The following ESRRB variants were observed in gnomAD, a reference collection of about 807,000 sequenced individuals.
ESRRB encodes estrogen related receptor beta.
ESRRB carries 16 observed loss-of-function variants against 46.0 expected under a neutral mutation model. The ratio of observed to expected loss-of-function variants is 0.35; its 90% CI spans 0.24 to 0.53. The LOEUF (loss-of-function observed/expected upper bound fraction) is 0.53. Ranked by LOEUF, ESRRB falls within the 20% of genes least tolerant of loss-of-function variation. The probability of loss-of-function intolerance (pLI) is 0.93; values close to 1 mark genes in which losing one functional copy is unlikely to be tolerated. For synonymous variants in ESRRB, 246 were observed against 259.6 expected, an observed-to-expected ratio of 0.95 and a Z score of 0.50; for missense variants, 488 against 607.4, an observed-to-expected ratio of 0.80 and a Z score of 2.07.
intron 1 of ESRRB, among the ~76,000 whole-genome samples, chr14:76,356,475 G>C (rs1884380417): frequency 6.6e-6 from 1 of 152,094 alleles, no homozygotes. Context: ...CAAAGCCTGT[G>C]CTCTATGTTA....
At chr14:76,361,787 T>C (rs969452081) in intron 1 of ESRRB, among the ~76,000 whole-genome samples, 1 of 152,236 alleles carries the variant, frequency 6.6e-6, no homozygotes, top group Admixed American at 6.5e-5. Flanking sequence ...TGGCTCGCCA[T>C]GATGGATCAG....
At chr14:76,338,401 G>T (rs978458144) in intron 1 of ESRRB, among the ~76,000 whole-genome samples, 1 of 152,162 alleles carries the variant, frequency 6.6e-6, no homozygotes, top group Non-Finnish European at 1.5e-5. Context: ...CTGCCAGCCA[G>T]GAGAGCCGGG....
At chr14:76,312,911 C>G (rs1346435887) in intron 1 of ESRRB, among the ~76,000 whole-genome samples, 2 of 152,064 alleles carry the variant, frequency 1.3e-5, no homozygotes, top group Non-Finnish European at 2.9e-5. Flanking sequence ...CAAATTCTAC[C>G]TCCCCTCCCC....
chr14:76,439,357 T>A lies in ESRRB; in HGVS notation c.67T>A (p.Ser23Thr), dbSNP rs377615846. ...TGTCCACAGGCTGCTGAACAGGATG[T>A]CCTCGGACGACAGGCACCTGGGCTC... ...GYHNQLLNRM[S>T]SDDRHLGSSC... Residue 23 changes from serine to threonine, a missense_variant, in exon 2 of 7, where the codon TCC becomes ACC. Coordinates refer to ENST00000644823, the MANE Select transcript of ESRRB (RefSeq NM_001379180.1). The A allele has an allele frequency of 6.2e-7, 1 of 1,613,538 alleles. No homozygotes were observed. The highest frequency in any genetic ancestry group is 1.3e-5 in the African/African-American group (1 of 74,946).
chr14:76,491,729 G>A lies in ESRRB; in HGVS notation c.1120+13G>A. Reference sequence around the variant, plus strand: ...CTCGCCAACTCCGGTAAGGGCGGCGGCGGGGCCTGGAAGGGGAGCTTCTAG... The same window carrying A: ...CTCGCCAACTCCGGTAAGGGCGGCGACGGGGCCTGGAAGGGGAGCTTCTAG... On this transcript the variant is annotated intron_variant, in intron 6 of 6. Coordinates refer to ENST00000644823, the MANE Select transcript of ESRRB (RefSeq NM_001379180.1). The A allele has an allele frequency of 6.4e-7, 1 of 1,564,676 alleles. No individual in the cohort carries two copies. Among genetic ancestry groups the A allele is most frequent in the Non-Finnish European group, 8.7e-7 (1 of 1,155,126 alleles).
chr14:76,499,974 C>T lies in ESRRB; in HGVS notation c.*1516C>T, dbSNP rs1230493544. On this transcript the variant is annotated 3_prime_UTR_variant, in exon 7 of 7. Coordinates refer to ENST00000644823, the MANE Select transcript of ESRRB (RefSeq NM_001379180.1). ...CACAAGCAGGGATCAGAGCAACTCC[C>T]CGGGGATCCCCAATCCACGCCCTTC... is the stretch of plus-strand genomic sequence containing the variant. 6.2e-7 allele frequency: 1 copy of T among 1,601,048 alleles called. No individual in the cohort carries two copies. Among genetic ancestry groups the T allele is most frequent in the Non-Finnish European group, 8.5e-7 (1 of 1,173,538 alleles).
Position 76,376,327 on chromosome 14 carries a change from G to T in ESRRB, c.-75G>T, listed in dbSNP as rs977104201. ...CCCTGCCCGGGCTCGCACCTTGCCCGTGCCCTTCACTCGCTCTTCCGCGTG... is the reference window on the plus strand; with the variant it reads ...CCCTGCCCGGGCTCGCACCTTGCCCTTGCCCTTCACTCGCTCTTCCGCGTG... On this transcript the variant is annotated 5_prime_UTR_variant, in exon 1 of 7. Coordinates refer to ENST00000644823, the MANE Select transcript of ESRRB (RefSeq NM_001379180.1). This position sits in a 1 kb window ranked among gnomAD's most constrained non-coding sequence, Gnocchi z 4.1. The T allele has an allele frequency of 7.9e-6, 9 of 1,135,972 alleles. No homozygotes were observed. The allele number at this position is 1,135,972 out of a possible 1,614,324, so 70.4% of individuals were successfully genotyped here.
chr14:76,336,000 A>G (rs1884122179), intron 1 of ESRRB, among the ~76,000 whole-genome samples: 1 of 152,230 alleles, frequency 6.6e-6, no homozygotes. Flanking sequence ...TTTATCCAAG[A>G]TTGCACAGCA....
intron 3 of ESRRB, 65 bp downstream of exon 3, chr14:76,462,726 T>C (rs1888924121): frequency 1.1e-5 from 13 of 1,195,342 alleles, no homozygotes; most frequent in Non-Finnish European, 1.6e-5. Context: ...TTTTGTCCCC[T>C]GTGAGACACC....
Position 76,491,410 on chromosome 14 carries a change from G to C in ESRRB, c.851-37G>C, listed in dbSNP as rs757737550. 67 of 1,603,618 alleles carry C rather than the reference G, an allele frequency of 4.2e-5. No individual in the cohort carries two copies. In the South Asian group the frequency reaches 6.5e-4, roughly 16 times the overall value. On this transcript the variant is annotated intron_variant, in intron 5 of 6. Coordinates refer to ENST00000644823, the MANE Select transcript of ESRRB (RefSeq NM_001379180.1). ...AGGGAGGCCCCTGGTCCGCCCTCCT[G>C]ACCTGCTGCTGCCCTCTGTGCCCCC...
At chr14:76,349,088 G>C (rs1442046342) in intron 1 of ESRRB, among the ~76,000 whole-genome samples, 3 of 152,218 alleles carry the variant, frequency 2.0e-5, no homozygotes, top group Non-Finnish European at 4.4e-5. Flanking sequence ...AATTGTGTCT[G>C]AGGAGGTGTC....
intron 1 of ESRRB, among the ~76,000 whole-genome samples, chr14:76,334,631 T>C (rs1354050826): frequency 1.3e-5 from 2 of 152,152 alleles, no homozygotes; most frequent in African/African-American, 4.8e-5. Flanking sequence ...CTGGCCTCCC[T>C]AAAGGATCTG....
upstream of ESRRB, among the ~76,000 whole-genome samples, chr14:76,371,102 T>C (rs189697751): frequency 1.3e-5 from 2 of 152,326 alleles, no homozygotes; most frequent in Non-Finnish European, 2.9e-5. Context: ...GCAGTGCTAA[T>C]AGGACATGAG....
At chr14:76,394,974 C>T (rs1301849950) in intron 1 of ESRRB, among the ~76,000 whole-genome samples, 1 of 152,206 alleles carries the variant, frequency 6.6e-6, no homozygotes, top group Non-Finnish European at 1.5e-5. Flanking sequence ...AGCTGGCCGT[C>T]TGGGCGAGGT....
chr14:76,315,490 T>C (rs1442322400), intron 1 of ESRRB, among the ~76,000 whole-genome samples: 2 of 152,154 alleles, frequency 1.3e-5, no homozygotes, highest in African/African-American at 2.4e-5. Context: ...TTATGAGACT[T>C]GAGTTACGAA....
At chr14:76,415,124 G>A (rs1486413951) in intron 1 of ESRRB, among the ~76,000 whole-genome samples, 1 of 152,164 alleles carries the variant, frequency 6.6e-6, no homozygotes, top group African/African-American at 2.4e-5. Flanking sequence ...CTAGTGGGGT[G>A]GGGTTGGGGA....
At chr14:76,478,386 C>T (rs1326760982) in intron 3 of ESRRB, among the ~76,000 whole-genome samples, 1 of 152,120 alleles carries the variant, frequency 6.6e-6, no homozygotes, top group Non-Finnish European at 1.5e-5. Context: ...ATGGAGACAT[C>T]GGCAGAGGTG....
chr14:76,428,561 A>G (rs1278362718), intron 1 of ESRRB, among the ~76,000 whole-genome samples: 1 of 152,098 alleles, frequency 6.6e-6, no homozygotes, highest in Non-Finnish European at 1.5e-5. Context: ...GCCCTGCATA[A>G]GGACACTTGA....
intron 2 of ESRRB, among the ~76,000 whole-genome samples, chr14:76,458,413 GTCTC>G (rs1266079845): frequency 6.9e-6 from 1 of 144,254 alleles, no homozygotes; most frequent in African/African-American, 2.6e-5. Flanking sequence ...AAATAATTAG[GTCTC>G]TCTCTCTGAC....
Sources: gnomAD v4.1 joint callset for allele counts (sites outside exome capture counted in the v4.1 genomes callset) on GRCh38, gnomAD v4.1.1 for gene constraint, Gnocchi (gnomAD v3.1) non-coding constraint, MANE v1.5 for transcripts, NCBI Gene and HGNC (gene_info 2026-07-23, HGNC 2026-07-21) for gene names.